The following WDR7 variants were observed in gnomAD, a reference collection of about 807,000 sequenced individuals.
WDR7 encodes the protein WD repeat-containing protein 7.
A neutral mutation model predicts 169.4 loss-of-function variants in WDR7; 46 were observed. The observed-to-expected ratio is 0.27, with a 90% CI of 0.21 to 0.35. WDR7 has a LOEUF of 0.35. Ranked by LOEUF, WDR7 falls within the 10% of genes least tolerant of loss-of-function variation. WDR7 has a pLI of 1.00. For missense variants in WDR7, 1,534 were observed against 1,859.3 expected (o/e 0.83, Z 3.22); for synonymous variants, 612 against 666.8 (o/e 0.92, Z 1.27).
intron 23 of WDR7, among the ~76,000 whole-genome samples, chr18:56,938,045 T>G (rs748608925): frequency 1.9e-4 from 29 of 152,264 alleles, no homozygotes; most frequent in Non-Finnish European, 3.1e-4. Context: ...ATCTCCACAT[T>G]GAGTAGACTG....
intron 20 of WDR7, among the ~76,000 whole-genome samples, chr18:56,879,535 T>G (rs1205688556): frequency 6.6e-6 from 1 of 152,184 alleles, no homozygotes; most frequent in Non-Finnish European, 1.5e-5. Context: ...ATTCTGTGGG[T>G]TGTCTTTATC....
intron 20 of WDR7, among the ~76,000 whole-genome samples, chr18:56,879,397 C>T (rs988318320): frequency 1.4e-4 from 21 of 152,074 alleles, no homozygotes; most frequent in Non-Finnish European, 5.9e-5. Context: ...TTTTCATGTG[C>T]GTGTTGACCA....
At chr18:56,950,909 G>A (rs531092081) in intron 25 of WDR7, among the ~76,000 whole-genome samples, 4 of 152,288 alleles carry the variant, frequency 2.6e-5, no homozygotes, top group South Asian at 2.1e-4. Context: ...TATAGATGAC[G>A]TCCTCTTAAA....
intron 20 of WDR7, among the ~76,000 whole-genome samples, chr18:56,821,649 C>CT (rs34413613): frequency 0.67 from 96,508 of 143,042 alleles, 33,870 homozygotes; most frequent in East Asian, 0.82. Flanking sequence ...CATACCCCTC[C>CT]TTTTTTTTTT....
chr18:56,939,275 T>C (rs749205017), intron 24 of WDR7, 36 bp from the exon 25 acceptor site: 2 of 1,469,814 alleles, frequency 1.4e-6, no homozygotes, highest in East Asian at 2.4e-5. Flanking sequence ...ATTAAGTATT[T>C]GAAATTAATT....
intron 20 of WDR7, among the ~76,000 whole-genome samples, chr18:56,879,689 G>T (rs2046077197): frequency 6.6e-6 from 1 of 151,990 alleles, no homozygotes; most frequent in Non-Finnish European, 1.5e-5. Context: ...ATACACCTAT[G>T]TTGCCTTCTT....
chr18:56,692,711 C>T (rs959139284), intron 9 of WDR7, among the ~76,000 whole-genome samples: 59 of 150,610 alleles, frequency 3.9e-4, no homozygotes, highest in African/African-American at 1.4e-3. Flanking sequence ...TATACATAAG[C>T]AAAACCAAAA....
At chr18:56,939,968 A>T (rs1215565435) in intron 25 of WDR7, among the ~76,000 whole-genome samples, 2 of 151,474 alleles carry the variant, frequency 1.3e-5, no homozygotes, top group Admixed American at 1.3e-4. Flanking sequence ...TATAATTATT[A>T]TAGCATGAAG....
chr18:56,944,492 A>T (rs1409888341), intron 25 of WDR7, among the ~76,000 whole-genome samples: 2 of 152,232 alleles, frequency 1.3e-5, no homozygotes, highest in Admixed American at 1.3e-4. Context: ...TGGTACATTC[A>T]GTCACCAAAT....
At chr18:56,992,646 AAGAT>A (rs1323899167) in intron 26 of WDR7, among the ~76,000 whole-genome samples, 2 of 152,214 alleles carry the variant, frequency 1.3e-5, no homozygotes, top group African/African-American at 4.8e-5. Context: ...TTCCAGGTAA[AAGAT>A]AGTAATTATT....
At chr18:56,999,806 G>A (rs2047949042) in intron 26 of WDR7, among the ~76,000 whole-genome samples, 2 of 152,174 alleles carry the variant, frequency 1.3e-5, no homozygotes, top group South Asian at 4.1e-4. Context: ...GGAGAACCTT[G>A]TAGCTGGGGC....
intron 20 of WDR7, among the ~76,000 whole-genome samples, chr18:56,865,662 TTGA>T (rs150397613): frequency 0.021 from 3,246 of 152,274 alleles, 41 homozygotes; most frequent in Non-Finnish European, 0.03. Context: ...GTGGAAATGG[TTGA>T]TGTTTCTGTG....
At chr18:56,973,119 G>A (rs1184965769) in intron 26 of WDR7, among the ~76,000 whole-genome samples, 6 of 152,172 alleles carry the variant, frequency 3.9e-5, no homozygotes, top group African/African-American at 2.4e-5. Flanking sequence ...CAAGTGATCC[G>A]CCTACCTCAT....
chr18:57,021,950 G>C (rs925474796), intron 27 of WDR7, among the ~76,000 whole-genome samples: 2 of 152,194 alleles, frequency 1.3e-5, no homozygotes, highest in Admixed American at 1.3e-4. Flanking sequence ...ATTAAAGCAT[G>C]ACAACTTCAA....
intron 14 of WDR7, among the ~76,000 whole-genome samples, chr18:56,740,412 C>G (rs2043600237): frequency 6.6e-6 from 1 of 152,074 alleles, no homozygotes; most frequent in African/African-American, 2.4e-5. Flanking sequence ...TTAATTGCCT[C>G]TAATTTCAGT....
chr18:57,025,464 A>T (rs2145953858), intron 27 of WDR7, among the ~76,000 whole-genome samples: 1 of 152,336 alleles, frequency 6.6e-6, no homozygotes. Context: ...AAAGGAGAGA[A>T]GGAAGCAAAG....
chr18:56,886,807 G>A (rs1188267503), intron 21 of WDR7, among the ~76,000 whole-genome samples: 2 of 151,992 alleles, frequency 1.3e-5, no homozygotes, highest in Non-Finnish European at 1.5e-5. Flanking sequence ...CCATGCAAAT[G>A]GACATCAAAA....
chr18:57,018,671 C>T (rs898423766), intron 26 of WDR7, among the ~76,000 whole-genome samples: 5 of 152,184 alleles, frequency 3.3e-5, no homozygotes, highest in Non-Finnish European at 7.3e-5. Context: ...GCAGGCCAAA[C>T]CAAACACATC....
At chr18:56,774,013 A>C (rs896448436) in intron 16 of WDR7, among the ~76,000 whole-genome samples, 1 of 152,090 alleles carries the variant, frequency 6.6e-6, no homozygotes, top group African/African-American at 2.4e-5. Context: ...AAGCTTTGAA[A>C]AAAACTTACT....
Sources: gnomAD v4.1 joint callset for allele counts (sites outside exome capture counted in the v4.1 genomes callset) on GRCh38, gnomAD v4.1.1 for gene constraint, MANE v1.5 for transcripts, NCBI Gene and HGNC (gene_info 2026-07-23, HGNC 2026-07-21) for gene names.